The following COG2 variants were observed in gnomAD, a reference collection of about 807,000 sequenced individuals.
COG2 encodes the protein component of oligomeric golgi complex 2.
A neutral mutation model predicts 90.6 loss-of-function variants in COG2; 52 were observed. The observed-to-expected ratio is 0.57, with a 90% CI of 0.46 to 0.72. COG2 has a LOEUF of 0.72. Ranked by LOEUF, COG2 falls within the 30% of genes least tolerant of loss-of-function variation. COG2 has a pLI of 0.00. For synonymous variants in COG2, 337 were observed against 320.4 expected, an observed-to-expected ratio of 1.05 and a Z score of -0.55; for missense variants, 829 against 891.2, an observed-to-expected ratio of 0.93 and a Z score of 0.89.
intron 1 of COG2, among the ~76,000 whole-genome samples, chr1:230,654,831 CCTAGTTATT>C (rs1662011015): frequency 1.3e-5 from 2 of 152,078 alleles, no homozygotes; most frequent in Non-Finnish European, 2.9e-5. Context: ...AAGTTGTATT[CCTAGTTATT>C]TTATTATCTT....
chr1:230,652,383 T>C (rs1030844687), intron 1 of COG2, among the ~76,000 whole-genome samples: 1 of 152,262 alleles, frequency 6.6e-6, no homozygotes, highest in Admixed American at 6.5e-5. Context: ...TGGCTTGATA[T>C]AGCTCATCTC....
At chr1:230,665,663 T>TA (rs757160392) in intron 5 of COG2, among the ~76,000 whole-genome samples, 1 of 152,214 alleles carries the variant, frequency 6.6e-6, no homozygotes, top group Non-Finnish European at 1.5e-5. Context: ...GATGTATAAA[T>TA]AAGTGGTCAA....
In COG2 at chr1:230,642,663, G is replaced by C. The variant is rs1284241064; in HGVS notation, c.57G>C (p.Lys19Asn). ...PKGPDTLCFD[K>N]DEFMKEDFDV... ...GGCCGGACACGCTCTGCTTCGACAA[G>C]GACGAGTTCATGAAGGTGCGCGCGG... The change falls in exon 1 of 18, where the codon AAG becomes AAC. Residue 19 changes from lysine to asparagine, a missense_variant. By Grantham distance (94) the Lys-to-Asn change is moderately conservative. Coordinates refer to ENST00000366669, the MANE Select transcript of COG2 (RefSeq NM_007357.3). The C allele has an allele frequency of 6.2e-7, 1 of 1,612,988 alleles. No homozygotes were observed. The highest frequency in any genetic ancestry group is 1.3e-5 in the African/African-American group (1 of 75,016).
chr1:230,673,814 G>T (rs1377254164), intron 8 of COG2, among the ~76,000 whole-genome samples: 1 of 152,054 alleles, frequency 6.6e-6, no homozygotes, highest in Non-Finnish European at 1.5e-5. Flanking sequence ...AACATTATTT[G>T]CTAGCTCTTC....
intron 9 of COG2, 39 bp from the exon 10 acceptor site, chr1:230,678,874 T>G: frequency 3.1e-6 from 5 of 1,598,420 alleles, no homozygotes; most frequent in Non-Finnish European, 4.3e-6. Context: ...TTCTAGTTAG[T>G]GTTCTAATAA....
rs535593976 is a variant in COG2, at chr1:230,666,796, A to G, written c.486-1880A>G. 1.5e-3 allele frequency among the ~76,000 whole-genome samples: 230 copies of G among 152,312 alleles called. 3 individuals are homozygous for G. Among genetic ancestry groups the G allele is most frequent in the African/African-American group, 5.4e-3 (224 of 41,572 alleles). The stretch of plus-strand genomic sequence containing the variant: ...GCTCAAAACATGCTTAAAGTATAGA[A>G]AGTTTAAAAATACTGTGCTAAGTGG... On this transcript the variant is annotated intron_variant, in intron 5 of 17. Coordinates refer to ENST00000366669, the MANE Select transcript of COG2 (RefSeq NM_007357.3).
chr1:230,686,875 T>C (rs925997593), intron 12 of COG2, 60 bp from the exon 13 acceptor site: 9 of 1,110,612 alleles, frequency 8.1e-6, no homozygotes, highest in Middle Eastern at 2.1e-4. Flanking sequence ...ATATGTAATA[T>C]ATAAATGCTC....
In COG2 at chr1:230,642,685, G is replaced by A. The variant is rs763540849; in HGVS notation, c.72+7G>A. The stretch of plus-strand genomic sequence containing the variant: ...CAAGGACGAGTTCATGAAGGTGCGC[G>A]CGGCGTCCGCTCCCCGGAGCCGGGC... On this transcript the variant is annotated splice_region_variant and intron_variant, in intron 1 of 17. Transcript: ENST00000366669. 1 of 1,611,106 alleles carries A rather than the reference G, an allele frequency of 6.2e-7. No homozygotes were observed. The highest frequency in any genetic ancestry group is 8.5e-7 in the Non-Finnish European group (1 of 1,178,858).
At chr1:230,646,554 G>A (rs769696171) in intron 1 of COG2, among the ~76,000 whole-genome samples, 7 of 152,052 alleles carry the variant, frequency 4.6e-5, no homozygotes, top group Non-Finnish European at 7.4e-5. Flanking sequence ...CAATGACCAC[G>A]TGTAGACAGG....
chr1:230,642,836 TCAGGTTTGGCGGGTG>T, intron 1 of COG2, 158 bp downstream of exon 1: 1 of 679,002 alleles, frequency 1.5e-6, no homozygotes, highest in East Asian at 3.0e-5. Context: ...TCTTTTGGCG[TCAGGTTTGGCGGGTG>T]CAGCCTGGAG....
chr1:230,683,722 G>T (rs758133273), intron 11 of COG2, 87 bp downstream of exon 11: 3 of 772,270 alleles, frequency 3.9e-6, no homozygotes, highest in Non-Finnish European at 4.1e-6. Context: ...TATTCTGAGC[G>T]TACTTTTACT....
intron 17 of COG2, among the ~76,000 whole-genome samples, chr1:230,692,415 A>G (rs1250199682): frequency 6.6e-6 from 1 of 152,054 alleles, no homozygotes; most frequent in East Asian, 1.9e-4. Context: ...AATTTCTTTT[A>G]CACATCATGA....
chr1:230,683,571 CAGATTT>C lies in COG2; in HGVS notation c.1168_1173del (p.Phe390_Arg391del). ...TTAATTCTTCTTCTTGTTTTTATCT[CAGATTT>C]AGAGAAATAGCGGGATCCTTAGAAG... On this transcript the variant is annotated splice_acceptor_variant and coding_sequence_variant, in exon 11 of 18. Coordinates refer to ENST00000366669, the MANE Select transcript of COG2 (RefSeq NM_007357.3). LOFTEE classifies it high-confidence loss of function. The C allele has an allele frequency of 6.2e-7, 1 of 1,605,804 alleles. No individual in the cohort carries two copies. The highest frequency in any genetic ancestry group is 2.2e-5 in the East Asian group (1 of 44,786).
intron 5 of COG2, among the ~76,000 whole-genome samples, chr1:230,668,008 G>GT (rs1483828311): frequency 1.3e-5 from 2 of 152,230 alleles, no homozygotes; most frequent in East Asian, 3.9e-4. Context: ...CAGCATGTAG[G>GT]TTGACTGCTC....
chr1:230,683,927 G>T (rs751404139), intron 11 of COG2, among the ~76,000 whole-genome samples: 1 of 151,996 alleles, frequency 6.6e-6, no homozygotes, highest in Non-Finnish European at 1.5e-5. Flanking sequence ...AAGTAGCTGG[G>T]ATTACAGGTG....
chr1:230,685,326 C>T, intron 12 of COG2, 90 bp downstream of exon 12: 1 of 1,356,778 alleles, frequency 7.4e-7, no homozygotes, highest in South Asian at 1.3e-5. Flanking sequence ...TTGTAAATAC[C>T]ATGAGAGGTT....
intron 12 of COG2, 138 bp from the exon 13 acceptor site, chr1:230,686,797 T>C: frequency 4.3e-6 from 2 of 469,778 alleles, no homozygotes; most frequent in Non-Finnish European, 7.4e-6. Context: ...TTGTATACTT[T>C]TATTAGTAAG....
Position 230,642,632 on chromosome 1 carries a change from C to G in COG2, c.26C>G (p.Pro9Arg), listed in dbSNP as rs752456192. The change falls in exon 1 of 18, where the codon CCC (proline) becomes CGC (arginine). Residue 9 changes from proline (P) to arginine (R), a missense_variant. Physicochemically the swap from Pro to Arg is moderately radical, Grantham distance 103. Transcript: ENST00000366669. ...ATGGAGAAAAGTAGGATGAACCTGCCCAAGGGGCCGGACACGCTCTGCTTC... is the reference window on the plus strand; with the variant it reads ...ATGGAGAAAAGTAGGATGAACCTGCGCAAGGGGCCGGACACGCTCTGCTTC... Reference protein sequence around the residue: MEKSRMNLPKGPDTLCFDK... With the variant: MEKSRMNLRKGPDTLCFDK... 3.7e-6 allele frequency: 6 copies of G among 1,613,150 alleles called. No individual in the cohort carries two copies. Among genetic ancestry groups the G allele is most frequent in the Non-Finnish European group, 5.1e-6 (6 of 1,179,682 alleles).
chr1:230,676,435 T>TTGAG (rs1662598254), intron 9 of COG2, among the ~76,000 whole-genome samples: 1 of 152,224 alleles, frequency 6.6e-6, no homozygotes, highest in Admixed American at 6.5e-5. Context: ...ATTTATGTTC[T>TTGAG]CGAGCCTTCT....
Sources: gnomAD v4.1 joint callset for allele counts (sites outside exome capture counted in the v4.1 genomes callset) on GRCh38, gnomAD v4.1.1 for gene constraint, MANE v1.5 for transcripts, NCBI Gene and HGNC (gene_info 2026-07-23, HGNC 2026-07-21) for gene names.